Variants in TST observed in about 807,000 individuals in gnomAD.
TST encodes the protein thiosulfate sulfurtransferase.
Under a neutral mutation model 20.4 loss-of-function variants are expected in TST, and 22 were observed. The ratio of observed to expected loss-of-function variants is 1.08; its 90% CI spans 0.77 to 1.54. The LOEUF (loss-of-function observed/expected upper bound fraction) is 1.54. Ranked by LOEUF, TST falls within the 40% of genes most tolerant of loss-of-function variation. The probability of loss-of-function intolerance (pLI) is 0.00; values close to 1 mark genes in which losing one functional copy is unlikely to be tolerated. For missense variants in TST, 392 were observed against 405.2 expected (o/e 0.97, Z 0.28); for synonymous variants, 187 against 173.8 (o/e 1.08, Z -0.60).
rs763878089 is a variant in TST, at chr22:37,011,104, C to T, written c.817G>A (p.Asp273Asn). The T allele has an allele frequency of 6.8e-6, 11 of 1,613,342 alleles. No homozygotes were observed. Among genetic ancestry groups the T allele is most frequent in the South Asian group, 2.2e-5 (2 of 91,062 alleles). The stretch of plus-strand genomic sequence containing the variant: ...CGAAACCACTCGGACCAGGAGCCAT[C>T]GTACACGGCCACATCAGGCTTGCCG... ...LCGKPDVAVYDGSWSEWFRRA... is the reference protein window; with the variant it reads ...LCGKPDVAVYNGSWSEWFRRA... Residue 273 changes from aspartate (D) to asparagine (N), a missense_variant, in exon 3 of 3, where the codon GAT (aspartate) becomes AAT (asparagine). Transcript: ENST00000249042.
upstream of TST, chr22:37,019,584 TC>T (rs927165697): frequency 5.7e-6 from 1 of 175,458 alleles, no homozygotes; most frequent in African/African-American, 2.4e-5. Flanking sequence ...CCTGCCAACC[TC>T]GCGCGCGGGG....
At chr22:37,013,138 C>T (rs778895956) in intron 2 of TST, 4 of 152,308 alleles carry the variant, frequency 2.6e-5, no homozygotes, top group African/African-American at 7.2e-5. Flanking sequence ...GGCAGGCACA[C>T]GATTCGGTAC....
At chr22:37,012,453 C>T (rs1922512257) in intron 2 of TST, among the ~76,000 whole-genome samples, 1 of 152,268 alleles carries the variant, frequency 6.6e-6, no homozygotes, top group Non-Finnish European at 1.5e-5. Context: ...CAGGCCACTC[C>T]TGTCTTCCTC....
At chr22:37,019,786 G>A, upstream of TST, 6 of 938,122 alleles carry the variant, frequency 6.4e-6, 1 homozygote, top group Non-Finnish European at 8.3e-6. Flanking sequence ...TTGGTGGCGG[G>A]AGGAGGGGAC....
At chr22:37,012,869 C>T (rs1203147695) in intron 2 of TST, among the ~76,000 whole-genome samples, 2 of 152,038 alleles carry the variant, frequency 1.3e-5, no homozygotes, top group East Asian at 1.9e-4. Context: ...GGTGAAAACC[C>T]GTCTCTACTA....
intron 1 of TST, 162 bp downstream of exon 1, chr22:37,019,236 CCA>C (rs1427689868): frequency 6.4e-6 from 1 of 157,004 alleles, no homozygotes; most frequent in Non-Finnish European, 1.4e-5. Context: ...TCGCCCGCCT[CCA>C]GAGTGCCCGA....
intron 2 of TST, among the ~76,000 whole-genome samples, chr22:37,014,816 G>A (rs1183656078): frequency 6.6e-6 from 1 of 152,176 alleles, no homozygotes; most frequent in East Asian, 1.9e-4. Context: ...GGTAGGTGTG[G>A]ATTTTTAAGG....
chr22:37,011,066 T>TGC lies in TST; in HGVS notation c.854_855insGC (p.Glu286GlnfsTer16). 1 of 1,611,794 alleles carries TGC rather than the reference T, an allele frequency of 6.2e-7. No individual in the cohort carries two copies. The highest frequency in any genetic ancestry group is 8.5e-7 in the Non-Finnish European group (1 of 1,179,742). On this transcript the variant is annotated frameshift_variant, in exon 3 of 3. Coordinates refer to ENST00000249042, the MANE Select transcript of TST (RefSeq NM_003312.6). LOFTEE classifies it high-confidence loss of function. ...ACTTTCCCTGGGACACACGGCTCTC[T>TGC]GGGGGGGCCCGGCGAAACCACTCGG...
chr22:37,018,445 C>A lies in TST; in HGVS notation c.288G>T (p.Val96=), dbSNP rs1339538362. 1.6e-5 allele frequency: 26 copies of A among 1,613,166 alleles called. No homozygotes were observed. The highest frequency in any genetic ancestry group is 2.2e-5 in the South Asian group (2 of 91,042). Reference sequence around the variant, plus strand: ...CCAGGTGTTCACCATCATACACCACCACGTGCGTGTGGTTGCTGATGCCCA... The same window carrying A: ...CCAGGTGTTCACCATCATACACCACAACGTGCGTGTGGTTGCTGATGCCCA... ...GRLGISNHTH[V]VVYDGEHLGS... is the part of the protein sequence containing the mutation. Residue 96 remains valine, a synonymous_variant, in exon 2 of 3, where the codon GTG becomes GTT. Transcript: ENST00000249042.
At chr22:37,014,486 C>CTGCCCCCAGCAGGCA (rs1214279006) in intron 2 of TST, among the ~76,000 whole-genome samples, 1 of 152,376 alleles carries the variant, frequency 6.6e-6, no homozygotes, top group African/African-American at 2.4e-5. Context: ...CTGGCTCTCC[C>CTGCCCCCAGCAGGCA]TGCCCCCAGC....
downstream of TST, chr22:37,010,864 C>T (rs112307686): frequency 4.8e-6 from 5 of 1,030,934 alleles, no homozygotes; most frequent in African/African-American, 4.8e-5. Context: ...AAACACACTA[C>T]TCAGAAAAGG....
In TST at chr22:37,016,075, C is replaced by G. The variant is rs1019244380; in HGVS notation, c.595+2063G>C. On this transcript the variant is annotated intron_variant, in intron 2 of 2. Transcript: ENST00000249042. The stretch of plus-strand genomic sequence containing the variant: ...TCTCCTGCCTCAGCCTCCCAAGTAG[C>G]TAGGATTACAGGCACGTACCACCAA... Among the ~76,000 whole-genome samples the G allele has an allele frequency of 6.0e-5, 9 of 151,186 alleles. No homozygotes were observed. In the South Asian group the frequency reaches 1.5e-3, roughly 25 times the overall value.
chr22:37,015,440 C>G (rs1216340388), intron 2 of TST, among the ~76,000 whole-genome samples: 1 of 152,224 alleles, frequency 6.6e-6, no homozygotes, highest in Non-Finnish European at 1.5e-5. Context: ...GAGCAGCGCT[C>G]CTTTCACGAA....
chr22:37,012,784 G>A (rs922620714), intron 2 of TST, among the ~76,000 whole-genome samples: 3 of 152,202 alleles, frequency 2.0e-5, no homozygotes, highest in Non-Finnish European at 4.4e-5. Flanking sequence ...AGTGGCTCAC[G>A]CCTGTAGTCC....
intron 2 of TST, among the ~76,000 whole-genome samples, chr22:37,013,886 T>A (rs1334109507): frequency 6.6e-6 from 1 of 152,216 alleles, no homozygotes; most frequent in African/African-American, 2.4e-5. Flanking sequence ...CCCCACTGTG[T>A]TCTTCTTATT....
At chr22:37,013,171 G>C (rs1187920691) in intron 2 of TST, 1 of 152,218 alleles carries the variant, frequency 6.6e-6, no homozygotes, top group African/African-American at 2.4e-5. Context: ...GCTATGTCCT[G>C]GTCCTTTCAC....
In TST at chr22:37,018,702, C is replaced by G; in HGVS notation, c.31G>C (p.Val11Leu). ...GACTCCGCCAGCCACTTGGTGGAGA[C>G]CAGCGCCCGGTAGAGCACCTGATGA... The part of the protein sequence containing the change: MVHQVLYRAL[V>L]STKWLAESIR... Residue 11 changes from valine to leucine, a missense_variant, in exon 2 of 3, where the codon GTC becomes CTC. Physicochemically the swap from Val to Leu is conservative, Grantham distance 32. Coordinates refer to ENST00000249042, the MANE Select transcript of TST (RefSeq NM_003312.6). The G allele has an allele frequency of 6.6e-7, 1 of 1,521,302 alleles. No individual in the cohort carries two copies. Among genetic ancestry groups the G allele is most frequent in the South Asian group, 1.3e-5 (1 of 78,616 alleles). The allele number at this position is 1,521,302 out of a possible 1,614,324, so 94.2% of individuals were successfully genotyped here.
rs766003834 is a variant in TST at position 37,018,364 on chromosome 22, G to T, written c.369C>A (p.Thr123=). The T allele has an allele frequency of 6.2e-7, 1 of 1,613,972 alleles. No individual in the cohort carries two copies. The highest frequency in any genetic ancestry group is 8.5e-7 in the Non-Finnish European group (1 of 1,180,012). Residue 123 remains threonine (T), a synonymous_variant, in exon 2 of 3, where the codon ACC becomes ACA. Coordinates refer to ENST00000249042, the MANE Select transcript of TST (RefSeq NM_003312.6). The part of the protein sequence containing the change: ...WWMFRVFGHR[T]VSVLNGGFRN... ...GGAAGCCACCATTGAGCACTGATAC[G>T]GTGCGGTGGCCAAACACACGGAACA...
Position 37,010,883 on chromosome 22 carries a change from A to G in TST, c.*144T>C. The G allele has an allele frequency of 1.6e-6, 2 of 1,224,138 alleles. No homozygotes were observed. The highest frequency in any genetic ancestry group is 3.0e-5 in the South Asian group (2 of 67,492). 75.8% of individuals were successfully genotyped at this position (1,224,138 alleles called of 1,614,324 possible). A position where few individuals can be genotyped will look rare whatever the true frequency, so the allele number is the denominator to read the frequency against. ...ACACTACTCAGAAAAGGCAAAGTTT[A>G]TTCCAGTGTTGACAGAGAGAGGGTG... On this transcript the variant is annotated 3_prime_UTR_variant, in exon 3 of 3. Transcript: ENST00000249042.
Sources: gnomAD v4.1 joint callset for allele counts (sites outside exome capture counted in the v4.1 genomes callset) on GRCh38, gnomAD v4.1.1 for gene constraint, MANE v1.5 for transcripts, NCBI Gene and HGNC (gene_info 2026-07-23, HGNC 2026-07-21) for gene names.